The following STX11 variants were observed in gnomAD, a reference collection of about 807,000 sequenced individuals.
STX11 encodes the protein syntaxin-11.
A neutral mutation model predicts 19.9 loss-of-function variants in STX11; 21 were observed. That is an observed-to-expected ratio of 1.06 (90% CI 0.75 to 1.52). STX11 has a LOEUF of 1.52. Among genes scored for constraint, STX11 ranks in the 40% most tolerant of loss-of-function variants. The pLI, the probability that STX11 is intolerant of heterozygous loss-of-function variation, is 0.00. For missense variants in STX11, 438 were observed against 405.9 expected (o/e 1.08, Z -0.68); for synonymous variants, 193 against 174.4 (o/e 1.11, Z -0.84).
rs1023121779 is a variant in STX11, at chr6:144,165,528, T to C, written c.-6+14825T>C. On this transcript the variant is annotated intron_variant, in intron 1 of 1. Coordinates refer to ENST00000367568, the MANE Select transcript of STX11 (RefSeq NM_003764.4). The surrounding 1 kb of genome is among the most constrained non-coding windows in gnomAD (Gnocchi z 5.8). ...GAGTTTGTTTTCTTAGCTCCTTTTATATAGTGAGTACAAAGCACCTAACTC... is the reference window on the plus strand; with the variant it reads ...GAGTTTGTTTTCTTAGCTCCTTTTACATAGTGAGTACAAAGCACCTAACTC... Among the ~76,000 whole-genome samples, 1 of 152,218 alleles carries C rather than the reference T, an allele frequency of 6.6e-6. No homozygotes were observed. Among genetic ancestry groups the C allele is most frequent in the African/African-American group, 2.4e-5 (1 of 41,456 alleles).
Position 144,162,680 on chromosome 6 carries a change from T to C in STX11, c.-6+11977T>C, listed in dbSNP as rs1478779999. On this transcript the variant is annotated intron_variant, in intron 1 of 1. Transcript: ENST00000367568. This position sits in a 1 kb window ranked among gnomAD's most constrained non-coding sequence, Gnocchi z 4.6. ...GACAAATTTGAATTTGGATAGGGGA[T>C]GGGAAAGGTTGAGGGACATCTCTGG... Among the ~76,000 whole-genome samples, 1 of 152,114 alleles carries C rather than the reference T, an allele frequency of 6.6e-6. No individual in the cohort carries two copies. Among genetic ancestry groups the C allele is most frequent in the Non-Finnish European group, 1.5e-5 (1 of 68,012 alleles).
upstream of STX11, chr6:144,150,490 G>T (rs1216208297): frequency 4.1e-6 from 4 of 985,098 alleles, no homozygotes; most frequent in African/African-American, 7.0e-5. Context: ...CGCTTCCTAA[G>T]CGGCGGGGGC....
At position 144,165,146 on chromosome 6, in the gene STX11, A is replaced by G. The variant is rs1422597797; in HGVS notation, c.-6+14443A>G. On this transcript the variant is annotated intron_variant, in intron 1 of 1. Transcript: ENST00000367568. The surrounding 1 kb of genome is among the most constrained non-coding windows in gnomAD (Gnocchi z 5.8). ...TCTTCTTTGACAGGTGTAATGCAATATATTCACTTTGAAGAAAAATTTTCT... is the reference window on the plus strand; with the variant it reads ...TCTTCTTTGACAGGTGTAATGCAATGTATTCACTTTGAAGAAAAATTTTCT... Among the ~76,000 whole-genome samples, 1 of 152,152 alleles carries G rather than the reference A, an allele frequency of 6.6e-6. No homozygotes were observed. Among genetic ancestry groups the G allele is most frequent in the Non-Finnish European group, 1.5e-5 (1 of 68,024 alleles).
chr6:144,150,086 A>G (rs1800954589), upstream of STX11, among the ~76,000 whole-genome samples: 1 of 150,308 alleles, frequency 6.7e-6, no homozygotes, highest in Non-Finnish European at 1.5e-5. Context: ...CGCGTCCTCG[A>G]GGGTCCCAGG....
In STX11 at chr6:144,165,054, T is replaced by G. The variant is rs1801442531; in HGVS notation, c.-6+14351T>G. On this transcript the variant is annotated intron_variant, in intron 1 of 1. Coordinates refer to ENST00000367568, the MANE Select transcript of STX11 (RefSeq NM_003764.4). This position sits in a 1 kb window ranked among gnomAD's most constrained non-coding sequence, Gnocchi z 5.8. ...GGAACAGTTTCAATTGGGGTAAATG[T>G]GTAAGAAATTTGATCTACGACTACT... is the stretch of plus-strand genomic sequence containing the variant. Among the ~76,000 whole-genome samples the G allele has an allele frequency of 6.6e-6, 1 of 152,128 alleles. No homozygotes were observed. The highest frequency in any genetic ancestry group is 1.5e-5 in the Non-Finnish European group (1 of 68,020).
rs1440406377 is a variant in STX11, at chr6:144,184,002, A to G, written c.-5-2621A>G. On this transcript the variant is annotated intron_variant, in intron 1 of 1. Transcript: ENST00000367568. The surrounding 1 kb of genome is among the most constrained non-coding windows in gnomAD (Gnocchi z 6.5). The stretch of plus-strand genomic sequence containing the variant: ...GCAGTGTTTGGTTTTCTGTTCCTGC[A>G]TTAGTTTGCTGAGGATAATGGCTTC... 1.3e-5 allele frequency among the ~76,000 whole-genome samples: 2 copies of G among 152,002 alleles called. No individual in the cohort carries two copies. Among genetic ancestry groups the G allele is most frequent in the Admixed American group, 6.6e-5 (1 of 15,258 alleles).
At chr6:144,141,361 A>T in the STX11 span, among the ~76,000 whole-genome samples, 5 of 152,246 alleles carry the variant, frequency 3.3e-5, no homozygotes, top group Non-Finnish European at 7.4e-5. Flanking sequence ...TTTGGGTTAA[A>T]GTAAAGATGC....
chr6:144,149,744 AG>A (rs1338486494), upstream of STX11, among the ~76,000 whole-genome samples: 1 of 152,156 alleles, frequency 6.6e-6, no homozygotes, highest in African/African-American at 2.4e-5. This position sits in a 1 kb window ranked among gnomAD's most constrained non-coding sequence, Gnocchi z 5.1. Flanking sequence ...CCAAAGTGTT[AG>A]GAATACGCGC....
intron 1 of STX11, among the ~76,000 whole-genome samples, chr6:144,168,908 T>A (rs892137737): frequency 6.6e-6 from 1 of 152,186 alleles, no homozygotes; most frequent in Admixed American, 6.5e-5. Context: ...TAAACATTAT[T>A]TTTGATGAGA....
chr6:144,187,319 T>A lies in STX11; in HGVS notation c.692T>A (p.Met231Lys). The change falls in exon 2 of 2, where the codon ATG (methionine) becomes AAG (lysine). Residue 231 changes from methionine to lysine, a missense_variant. Physicochemically the swap from Met to Lys is moderately conservative, Grantham distance 95 (BLOSUM62 -1). Transcript: ENST00000367568. This position sits in a 1 kb window ranked among gnomAD's most constrained non-coding sequence, Gnocchi z 5.6. Reference protein sequence around the residue: ...IRDVHELFLQMAVLVEKQADT... With the variant: ...IRDVHELFLQKAVLVEKQADT... Reference sequence around the variant, plus strand: ...GACGTACACGAGCTCTTCTTGCAGATGGCGGTGCTGGTGGAGAAGCAGGCC... The same window carrying A: ...GACGTACACGAGCTCTTCTTGCAGAAGGCGGTGCTGGTGGAGAAGCAGGCC... The A allele has an allele frequency of 6.2e-7, 1 of 1,611,436 alleles. No individual in the cohort carries two copies. Among genetic ancestry groups the A allele is most frequent in the Middle Eastern group, 1.6e-4 (1 of 6,062 alleles).
rs1801802178 is a variant in STX11, at chr6:144,177,377, CA to C, written c.-5-9244del. Among the ~76,000 whole-genome samples, 1 of 152,190 alleles carries C rather than the reference CA, an allele frequency of 6.6e-6. No homozygotes were observed. The highest frequency in any genetic ancestry group is 6.5e-5 in the Admixed American group (1 of 15,272). On this transcript the variant is annotated intron_variant, in intron 1 of 1. Transcript: ENST00000367568. This position sits in a 1 kb window ranked among gnomAD's most constrained non-coding sequence, Gnocchi z 4.4. The stretch of plus-strand genomic sequence containing the variant: ...TAGTTTGTAAATACTAATAGAGATA[CA>C]AGTGGAAAAATTTGCACAGATGACT...
Position 144,186,644 on chromosome 6 carries a change from C to T in STX11, c.17C>T (p.Ala6Val), listed in dbSNP as rs1802044231. 1 of 1,614,122 alleles carries T rather than the reference C, an allele frequency of 6.2e-7. No individual in the cohort carries two copies. The highest frequency in any genetic ancestry group is 8.5e-7 in the Non-Finnish European group (1 of 1,180,048). ...GCAGGCAAAATGAAAGACCGGCTAG[C>T]AGAACTTCTGGACTTGTCCAAGCAA... MKDRL[A>V]ELLDLSKQYD... Residue 6 changes from alanine to valine, a missense_variant, in exon 2 of 2, where the codon GCA (alanine) becomes GTA (valine). Transcript: ENST00000367568.
rs1801262739 is a variant in STX11, at chr6:144,159,233, A to G, written c.-6+8530A>G. Among the ~76,000 whole-genome samples, 1 of 152,210 alleles carries G rather than the reference A, an allele frequency of 6.6e-6. No homozygotes were observed. Among genetic ancestry groups the G allele is most frequent in the South Asian group, 2.1e-4 (1 of 4,828 alleles). On this transcript the variant is annotated intron_variant, in intron 1 of 1. Coordinates refer to ENST00000367568, the MANE Select transcript of STX11 (RefSeq NM_003764.4). The surrounding 1 kb of genome is among the most constrained non-coding windows in gnomAD (Gnocchi z 4.3). ...CTCTGGAGTAAATGGTGCAGACACA[A>G]CAGGTACAGCTCCTGACCCTATGAA...
intron 1 of STX11, among the ~76,000 whole-genome samples, chr6:144,171,785 C>T (rs1448467635): frequency 1.3e-4 from 19 of 151,898 alleles, no homozygotes; most frequent in African/African-American, 4.4e-4. Context: ...AAAAAAGAAG[C>T]GCTGTCTTCA....
Position 144,152,232 on chromosome 6 carries a change from CTAAT to C in STX11, c.-6+1534_-6+1537del, listed in dbSNP as rs1471824298. Among the ~76,000 whole-genome samples, 8 of 152,176 alleles carry C rather than the reference CTAAT, an allele frequency of 5.3e-5. No homozygotes were observed. The highest frequency in any genetic ancestry group is 2.9e-5 in the Non-Finnish European group (2 of 68,022). On this transcript the variant is annotated intron_variant, in intron 1 of 1. Transcript: ENST00000367568. This position sits in a 1 kb window ranked among gnomAD's most constrained non-coding sequence, Gnocchi z 4.9. ...GTGTGACTTTTAAGAAATAGTGTGA[CTAAT>C]TAATAGTTTATTTAAATATGCTGGA...
At chr6:144,147,276 C>G (rs1800893544), upstream of STX11, among the ~76,000 whole-genome samples, 1 of 152,146 alleles carries the variant, frequency 6.6e-6, no homozygotes, top group South Asian at 2.1e-4. The surrounding 1 kb of genome is among the most constrained non-coding windows in gnomAD (Gnocchi z 4.2). Flanking sequence ...TTGGTCATCC[C>G]CCACTAAAAC....
intron 1 of STX11, among the ~76,000 whole-genome samples, chr6:144,168,164 A>C (rs1224589680): frequency 6.6e-6 from 1 of 152,182 alleles, no homozygotes; most frequent in Non-Finnish European, 1.5e-5. Context: ...AACATCAGTA[A>C]TAGTTGAGGG....
Position 144,182,954 on chromosome 6 carries a change from C to T in STX11, c.-5-3669C>T, listed in dbSNP as rs1176229837. On this transcript the variant is annotated intron_variant, in intron 1 of 1. Coordinates refer to ENST00000367568, the MANE Select transcript of STX11 (RefSeq NM_003764.4). The surrounding 1 kb of genome is among the most constrained non-coding windows in gnomAD (Gnocchi z 4.8). ...AGCAGATGGGTACAGCTCAACTCTA[C>T]GCAAACTAGCTAATGTGCTTTCCCC... Among the ~76,000 whole-genome samples the T allele has an allele frequency of 1.3e-5, 2 of 152,210 alleles. No homozygotes were observed. The highest frequency in any genetic ancestry group is 1.9e-4 in the East Asian group (1 of 5,192).
In STX11 at chr6:144,151,411, C is replaced by A. The variant is rs1037720774; in HGVS notation, c.-6+708C>A. On this transcript the variant is annotated intron_variant, in intron 1 of 1. Transcript: ENST00000367568. This position sits in a 1 kb window ranked among gnomAD's most constrained non-coding sequence, Gnocchi z 4.6. ...GGAGGAGCTGTTATTTACAGGTATC[C>A]AAAAATGAGTCACAGGGCTGCTCTC... 1.3e-4 allele frequency: 125 copies of A among 985,262 alleles called. No individual in the cohort carries two copies. Among genetic ancestry groups the A allele is most frequent in the Non-Finnish European group, 1.2e-4 (103 of 829,920 alleles). 61.0% of individuals were successfully genotyped at this position (985,262 alleles called of 1,614,324 possible). A position where few individuals can be genotyped will look rare whatever the true frequency, so the allele number is the denominator to read the frequency against.
Sources: allele counts gnomAD v4.1 joint callset (sites outside exome capture counted in the v4.1 genomes callset), GRCh38; gene constraint gnomAD v4.1.1; non-coding constraint Gnocchi (gnomAD v3.1); transcripts MANE v1.5; gene names NCBI Gene and HGNC (gene_info 2026-07-23, HGNC 2026-07-21).